PCLO: variants seen among roughly 807,000 people sequenced by gnomAD.
PCLO encodes the protein protein piccolo.
In PCLO, 82 loss-of-function variants were observed where a neutral mutation model predicts 427.5. The ratio of observed to expected loss-of-function variants is 0.19; its 90% confidence interval spans 0.16 to 0.23. PCLO has a LOEUF of 0.23. Among genes scored for constraint, PCLO ranks in the 10% least tolerant of loss-of-function variants. PCLO has a pLI of 1.00. For synonymous variants in PCLO, 2,357 were observed against 2,155.4 expected, an observed-to-expected ratio of 1.09 and a Z score of -2.59; for missense variants, 6,239 against 6,115.9, an observed-to-expected ratio of 1.02 and a Z score of -0.67.
intron 3 of PCLO, among the ~76,000 whole-genome samples, chr7:82,977,380 TTTTATTTATTTA>T (rs200252038): frequency 4.6e-3 from 614 of 132,760 alleles, no homozygotes; most frequent in African/African-American, 0.014. Flanking sequence ...AATTCATCTT[TTTTATTTATTTA>T]TTTATTTATT....
At chr7:82,874,174 T>TG (rs1165814771) in intron 10 of PCLO, among the ~76,000 whole-genome samples, 1 of 150,304 alleles carries the variant, frequency 6.7e-6, no homozygotes, top group Non-Finnish European at 1.5e-5. Context: ...AAACAAAGGT[T>TG]TTTTTTTTTT....
intron 3 of PCLO, among the ~76,000 whole-genome samples, chr7:83,015,536 T>C (rs1788185690): frequency 6.6e-6 from 1 of 152,166 alleles, no homozygotes; most frequent in Non-Finnish European, 1.5e-5. Flanking sequence ...TTAACACACA[T>C]TTTGATAATA....
rs142475221 is a variant in PCLO at position 82,980,137 on chromosome 7, C to A, written c.3301-13650G>T. Among the ~76,000 whole-genome samples the A allele has an allele frequency of 6.8e-4, 103 of 152,088 alleles. No individual in the cohort carries two copies. In the East Asian group the frequency reaches 0.018, roughly 27 times the overall value. ...AGACATCCCAATCAACCCTCATTACCTAGACTCTCCCTCTCCCCACATCCT... is the reference window on the plus strand; with the variant it reads ...AGACATCCCAATCAACCCTCATTACATAGACTCTCCCTCTCCCCACATCCT... On this transcript the variant is annotated intron_variant, in intron 3 of 24. Transcript: ENST00000333891.
At chr7:83,020,487 T>C (rs1291509946) in intron 3 of PCLO, among the ~76,000 whole-genome samples, 1 of 149,194 alleles carries the variant, frequency 6.7e-6, no homozygotes, top group African/African-American at 2.4e-5. Flanking sequence ...TGGAAGGAAC[T>C]AGCTTACATC....
At chr7:83,150,940 A>G (rs1157610807) in intron 2 of PCLO, among the ~76,000 whole-genome samples, 1 of 152,152 alleles carries the variant, frequency 6.6e-6, no homozygotes, top group Middle Eastern at 3.2e-3. Context: ...GAAGATGCAG[A>G]TTTACTTTTT....
At chr7:82,921,637 A>C (rs149222235) in intron 6 of PCLO, among the ~76,000 whole-genome samples, 365 of 152,156 alleles carry the variant, frequency 2.4e-3, no homozygotes, top group African/African-American at 8.4e-3. Flanking sequence ...AAAACTATAA[A>C]AACCCTAGAA....
intron 20 of PCLO, among the ~76,000 whole-genome samples, chr7:82,813,507 T>C (rs765662819): frequency 1.2e-4 from 18 of 151,720 alleles, no homozygotes; most frequent in Non-Finnish European, 1.2e-4. Context: ...CAGTGACCAA[T>C]TGCATTTTTC....
Position 82,846,606 on chromosome 7 carries a change from T to C in PCLO, c.13792A>G (p.Asn4598Asp). 1 of 1,608,578 alleles carries C rather than the reference T, an allele frequency of 6.2e-7. No individual in the cohort carries two copies. The highest frequency in any genetic ancestry group is 1.1e-5 in the South Asian group (1 of 90,410). The change falls in exon 12 of 25, where the codon AAT (asparagine) becomes GAT (aspartate). Residue 4598 changes from asparagine (N) to aspartate (D), a missense_variant. By Grantham distance (23) the Asn-to-Asp change is conservative. Around this residue, in one of 5 missense-constraint regions of PCLO, gnomAD observed 877 missense variants for 925.5 expected, o/e 0.95. Transcript: ENST00000333891. ...TCATGAAGTTCCAGATGCTGGGAAT[T>C]TTCAGAATCTGATAGCATATTGAGG... Reference protein sequence around the residue: ...LDLNMLSDSENSQHLELHEPP... With the variant: ...LDLNMLSDSEDSQHLELHEPP...
intron 14 of PCLO, among the ~76,000 whole-genome samples, chr7:82,840,032 G>GA (rs1242289453): frequency 1.3e-5 from 2 of 151,624 alleles, no homozygotes; most frequent in South Asian, 2.1e-4. Context: ...AATAAAATTA[G>GA]AAAAAACAAC....
At chr7:83,083,239 T>C (rs966646711) in intron 3 of PCLO, among the ~76,000 whole-genome samples, 1 of 151,990 alleles carries the variant, frequency 6.6e-6, no homozygotes, top group Non-Finnish European at 1.5e-5. Context: ...TAAATTATGT[T>C]ACAACTAAAT....
intron 3 of PCLO, among the ~76,000 whole-genome samples, chr7:82,991,568 T>C (rs1796377632): frequency 6.6e-6 from 1 of 152,158 alleles, no homozygotes; most frequent in Non-Finnish European, 1.5e-5. Context: ...AAACTTTGTA[T>C]TGCAACTTTT....
At chr7:82,962,955 T>C (rs577404145) in intron 4 of PCLO, among the ~76,000 whole-genome samples, 1 of 151,992 alleles carries the variant, frequency 6.6e-6, no homozygotes, top group Admixed American at 6.6e-5. Flanking sequence ...GTTTACCTCA[T>C]GGAAAATTAG....
In PCLO at chr7:82,969,760, A is replaced by G. The variant is rs537663622; in HGVS notation, c.3301-3273T>C. 9.9e-5 allele frequency among the ~76,000 whole-genome samples: 15 copies of G among 152,242 alleles called. No individual in the cohort carries two copies. In the East Asian group the frequency reaches 2.9e-3, roughly 29 times the overall value. ...CATCAAGGGACCAACATTCAAGTAG[A>G]AGAAATAAAGCATGGGTGAAAATAA... On this transcript the variant is annotated intron_variant, in intron 3 of 24. Coordinates refer to ENST00000333891, the MANE Select transcript of PCLO (RefSeq NM_033026.6).
intron 3 of PCLO, among the ~76,000 whole-genome samples, chr7:83,058,307 C>T (rs1313319484): frequency 6.6e-6 from 1 of 152,158 alleles, no homozygotes; most frequent in Non-Finnish European, 1.5e-5. Flanking sequence ...ACAGCATCCT[C>T]TGCCAATTTT....
At chr7:82,890,902 AAAT>A (rs893817828) in intron 9 of PCLO, among the ~76,000 whole-genome samples, 7 of 152,176 alleles carry the variant, frequency 4.6e-5, no homozygotes, top group Middle Eastern at 3.5e-3. Flanking sequence ...AGTACAAAGA[AAAT>A]AATATGTTTA....
chr7:83,162,509 C>A lies in PCLO; in HGVS notation c.84G>T (p.Gly28=). ...AAAAAGGGAS[G]AGSPSHTAIP... is the part of the protein sequence containing the mutation. The stretch of plus-strand genomic sequence containing the variant: ...TCGCGGTGTGAGAGGGGCTCCCCGC[C>A]CCGCTAGCTCCTCCTCCAGCCGCTG... Residue 28 remains glycine (G), a synonymous_variant, in exon 1 of 25, where the codon GGG becomes GGT. Coordinates refer to ENST00000333891, the MANE Select transcript of PCLO (RefSeq NM_033026.6). 1 of 1,562,386 alleles carries A rather than the reference C, an allele frequency of 6.4e-7. No individual in the cohort carries two copies. The highest frequency in any genetic ancestry group is 8.7e-7 in the Non-Finnish European group (1 of 1,154,182).
intron 1 of PCLO, 115 bp from the exon 2 acceptor site, chr7:83,156,507 A>G: frequency 1.6e-6 from 1 of 644,516 alleles, no homozygotes; most frequent in Non-Finnish European, 2.5e-6. Context: ...ATGTATAAAT[A>G]TAACTAGAAC....
chr7:82,993,956 A>G (rs1796437343), intron 3 of PCLO, among the ~76,000 whole-genome samples: 1 of 149,424 alleles, frequency 6.7e-6, no homozygotes, highest in African/African-American at 2.4e-5. Flanking sequence ...CCTTGTCATA[A>G]TAAGAGAAAA....
chr7:83,149,992 T>TA (rs899863933), intron 2 of PCLO, among the ~76,000 whole-genome samples: 28 of 149,156 alleles, frequency 1.9e-4, no homozygotes, highest in East Asian at 9.8e-4. Flanking sequence ...CCATAATGAC[T>TA]AAAAAAAAAA....
Sources: gnomAD v4.1 joint callset for allele counts (sites outside exome capture counted in the v4.1 genomes callset) on GRCh38, gnomAD v4.1.1 for gene constraint, gnomAD v4.1.1 regional missense constraint, MANE v1.5 for transcripts, NCBI Gene and HGNC (gene_info 2026-07-23, HGNC 2026-07-21) for gene names.